Variants in RRP12 observed in about 807,000 individuals in gnomAD.
RRP12 encodes RRP12-like protein.
RRP12 carries 78 observed loss-of-function variants against 157.3 expected under a neutral mutation model. The observed-to-expected ratio is 0.50, with a 90% confidence interval of 0.41 to 0.60. The LOEUF is 0.60. RRP12 is among the 20% of genes least tolerant of loss of function. RRP12 has a pLI of 0.00. For missense variants in RRP12, 1,521 were observed against 1,679.9 expected, an observed-to-expected ratio of 0.91 and a Z score of 1.65; for synonymous variants, 726 against 670.9, an observed-to-expected ratio of 1.08 and a Z score of -1.27.
At chr10:97,383,737 G>A (rs1267221387) in intron 10 of RRP12, among the ~76,000 whole-genome samples, 2 of 152,220 alleles carry the variant, frequency 1.3e-5, no homozygotes, top group Non-Finnish European at 2.9e-5. Flanking sequence ...CCTGGAGAAC[G>A]GAGCCGCCAG....
intron 30 of RRP12, 77 bp downstream of exon 30, chr10:97,363,777 G>T: frequency 7.8e-7 from 1 of 1,274,616 alleles, no homozygotes; most frequent in Non-Finnish European, 1.1e-6. Context: ...CAATGTCTAC[G>T]TGTGGTGGGG....
intron 17 of RRP12, 65 bp downstream of exon 17, chr10:97,373,510 C>G: frequency 6.7e-7 from 1 of 1,489,676 alleles, no homozygotes; most frequent in Non-Finnish European, 9.0e-7. Context: ...GTGTAGCAAG[C>G]CAGGGGATGG....
At position 97,366,454 on chromosome 10, in the gene RRP12, CGTT is replaced by C. The variant is rs1453875852; in HGVS notation, c.3380_3382del (p.Gln1127del). On this transcript the variant is annotated inframe_deletion, in exon 28 of 34. Coordinates refer to ENST00000370992, the MANE Select transcript of RRP12 (RefSeq NM_015179.4). ...GCCAGCCCTGTGCTTACCCAGGACT[CGTT>C]GGGCCACCTTGGGATCCAGGAAGTT... The C allele has an allele frequency of 1.2e-6, 2 of 1,611,198 alleles. No homozygotes were observed. Among genetic ancestry groups the C allele is most frequent in the Non-Finnish European group, 1.7e-6 (2 of 1,178,644 alleles).
chr10:97,359,273 C>T (rs907620042), intron 31 of RRP12, among the ~76,000 whole-genome samples: 1 of 152,164 alleles, frequency 6.6e-6, no homozygotes, highest in Non-Finnish European at 1.5e-5. Flanking sequence ...ATATATTCTC[C>T]GCTAACACAC....
chr10:97,367,225 GC>G, intron 25 of RRP12, 93 bp from the exon 26 acceptor site: 1 of 1,091,194 alleles, frequency 9.2e-7, no homozygotes, highest in Non-Finnish European at 1.4e-6. Context: ...GCATGATCAA[GC>G]CCAGCTGAGG....
In RRP12 at chr10:97,370,292, C is replaced by A. The variant is rs374880166; in HGVS notation, c.2690-18G>T. 1.2e-4 allele frequency: 191 copies of A among 1,560,888 alleles called. No homozygotes were observed. The highest frequency in any genetic ancestry group is 1.5e-4 in the Non-Finnish European group (175 of 1,146,650). ...CAGGGCCTCTGGGGACAGAGACCAACGTGGGTCAAGCAGGAAGGACCCACC... is the reference window on the plus strand; with the variant it reads ...CAGGGCCTCTGGGGACAGAGACCAAAGTGGGTCAAGCAGGAAGGACCCACC... On this transcript the variant is annotated intron_variant, in intron 23 of 33. Coordinates refer to ENST00000370992, the MANE Select transcript of RRP12 (RefSeq NM_015179.4).
chr10:97,361,332 T>C, intron 30 of RRP12, among the ~76,000 whole-genome samples: 1 of 152,152 alleles, frequency 6.6e-6, no homozygotes, highest in East Asian at 1.9e-4. Flanking sequence ...GCCCATCAGA[T>C]GTGAGCCTAG....
intron 8 of RRP12, 70 bp downstream of exon 8, chr10:97,388,182 C>T: frequency 1.2e-6 from 2 of 1,601,094 alleles, no homozygotes; most frequent in South Asian, 2.2e-5. Context: ...TGCATTTTGA[C>T]TGACCAGTGA....
At chr10:97,390,934 G>A (rs1437756652) in intron 4 of RRP12, 90 bp from the exon 5 acceptor site, 3 of 825,368 alleles carry the variant, frequency 3.6e-6, no homozygotes, top group Non-Finnish European at 6.4e-6. Context: ...ACAGGGCAAG[G>A]GGCGCTGGTG....
In RRP12 at chr10:97,357,169, G is replaced by C; in HGVS notation, c.3819C>G (p.Phe1273Leu). Reference sequence around the variant, plus strand: ...GCCGGGCAGCCTTCACCAGGCCTTTGAACTGTCCCTGCAGCTTCATCTTCT... The same window carrying C: ...GCCGGGCAGCCTTCACCAGGCCTTTCAACTGTCCCTGCAGCTTCATCTTCT... ...RRKKMKLQGQ[F>L]KGLVKAARRG... The change falls in exon 34 of 34, where the codon TTC becomes TTG. Residue 1273 changes from phenylalanine to leucine, a missense_variant. Transcript: ENST00000370992. 1 of 1,612,394 alleles carries C rather than the reference G, an allele frequency of 6.2e-7. No homozygotes were observed. The highest frequency in any genetic ancestry group is 8.5e-7 in the Non-Finnish European group (1 of 1,178,832).
intron 4 of RRP12, among the ~76,000 whole-genome samples, chr10:97,391,702 A>C (rs945467195): frequency 6.6e-6 from 1 of 152,188 alleles, no homozygotes; most frequent in African/African-American, 2.4e-5. Context: ...CGGGTGGATC[A>C]TGAGGTCAGG....
At chr10:97,381,638 G>T in intron 11 of RRP12, 77 bp downstream of exon 11, 1 of 1,352,930 alleles carries the variant, frequency 7.4e-7, no homozygotes, top group East Asian at 2.3e-5. Flanking sequence ...CTGGTAGCCT[G>T]GGGCCAGTGC....
chr10:97,370,011 G>T (rs1188416629), intron 24 of RRP12, among the ~76,000 whole-genome samples, 156 bp downstream of exon 24: 1 of 152,226 alleles, frequency 6.6e-6, no homozygotes, highest in East Asian at 1.9e-4. Flanking sequence ...GCAGCGACCC[G>T]CAGGAAGGGA....
At chr10:97,388,417 C>A (rs1844700519) in intron 7 of RRP12, 38 bp from the exon 8 acceptor site, 1 of 1,613,008 alleles carries the variant, frequency 6.2e-7, no homozygotes, top group South Asian at 1.1e-5. Flanking sequence ...CCAGCCCCGC[C>A]CTACCGCAGG....
At chr10:97,378,424 T>G (rs939536638) in intron 15 of RRP12, among the ~76,000 whole-genome samples, 1 of 152,182 alleles carries the variant, frequency 6.6e-6, no homozygotes, top group Non-Finnish European at 1.5e-5. Context: ...AATACAATGC[T>G]AAGTATGTGT....
In RRP12 at chr10:97,390,690, G is replaced by T. The variant is rs764259563; in HGVS notation, c.636+49C>A. The T allele has an allele frequency of 2.7e-6, 4 of 1,464,408 alleles. No individual in the cohort carries two copies. The East Asian group carries it at 9.1e-5, about 33-fold the overall frequency. 90.7% of individuals were successfully genotyped at this position (1,464,408 alleles called of 1,614,324 possible). On this transcript the variant is annotated intron_variant, in intron 5 of 33. Transcript: ENST00000370992. ...GGAACATCTAAGCATCACCAAATCA[G>T]ACAGGCTCTGGGAGTCGCCAGATGA... is the stretch of plus-strand genomic sequence containing the variant.
In RRP12 at chr10:97,386,263, ATTT is replaced by A. The variant is rs60314380; in HGVS notation, c.1018-273_1018-271del. Among the ~76,000 whole-genome samples, 1,289 of 138,926 alleles carry A rather than the reference ATTT, an allele frequency of 9.3e-3. 12 individuals are homozygous for A. The highest frequency in any genetic ancestry group is 0.076 in the Middle Eastern group (20 of 262). The allele number at this position is 138,926 out of a possible 152,430, so 91.1% of individuals were successfully genotyped here. A position where few individuals can be genotyped will look rare whatever the true frequency, so the allele number is the denominator to read the frequency against. ...GCTATAAACGGTCTGTTACAGCTGT[ATTT>A]TTTTTTTTTTTTTTTTTGAGACAGA... On this transcript the variant is annotated intron_variant, in intron 8 of 33. Transcript: ENST00000370992.
chr10:97,370,185 G>C lies in RRP12; in HGVS notation c.2779C>G (p.Leu927Val), dbSNP rs146889671. 1.6e-5 allele frequency: 26 copies of C among 1,603,742 alleles called. No homozygotes were observed. Among genetic ancestry groups the C allele is most frequent in the East Asian group, 1.6e-4 (7 of 44,546 alleles). The change falls in exon 24 of 34, where the codon CTC (leucine) becomes GTC (valine). Residue 927 changes from leucine to valine, a missense_variant. Leu to Val is a conservative substitution (Grantham distance 32). Transcript: ENST00000370992. ...CATTTACCTTTAAACTCGAAAAGGAGGTGGGTCAGGGCCAGGATGCTGCAG... is the reference window on the plus strand; with the variant it reads ...CATTTACCTTTAAACTCGAAAAGGACGTGGGTCAGGGCCAGGATGCTGCAG... ...VSCSILALTHLLFEFKGLMGT... is the reference protein window; with the variant it reads ...VSCSILALTHVLFEFKGLMGT...
Position 97,370,289 on chromosome 10 carries a change from C to T in RRP12, c.2690-15G>A, listed in dbSNP as rs772362878. On this transcript the variant is annotated splice_polypyrimidine_tract_variant and intron_variant, in intron 23 of 33. Coordinates refer to ENST00000370992, the MANE Select transcript of RRP12 (RefSeq NM_015179.4). ...CTGCAGGGCCTCTGGGGACAGAGAC[C>T]AACGTGGGTCAAGCAGGAAGGACCC... 4 of 1,562,128 alleles carry T rather than the reference C, an allele frequency of 2.6e-6. No individual in the cohort carries two copies. Among genetic ancestry groups the T allele is most frequent in the East Asian group, 2.3e-5 (1 of 43,442 alleles).
Sources: allele counts gnomAD v4.1 joint callset (sites outside exome capture counted in the v4.1 genomes callset), GRCh38; gene constraint gnomAD v4.1.1; transcripts MANE v1.5; gene names NCBI Gene and HGNC (gene_info 2026-07-23, HGNC 2026-07-21).